Variants in NEBL observed in about 807,000 individuals in gnomAD.
The protein encoded by NEBL is LIM and SH3 protein 2.
In NEBL, 122 loss-of-function variants were observed where a neutral mutation model predicts 140.2. The ratio of observed to expected loss-of-function variants is 0.87; its 90% CI spans 0.75 to 1.01. NEBL has a LOEUF of 1.01. Among genes scored for constraint, NEBL ranks in the 50% least tolerant of loss-of-function variants. NEBL has a pLI of 0.00. For missense variants in NEBL, 1,365 were observed against 1,231.3 expected (o/e 1.11, Z -1.62); for synonymous variants, 436 against 398.9 (o/e 1.09, Z -1.11).
Position 20,819,494 on chromosome 10 carries a change from T to C in NEBL, c.1985A>G (p.Tyr662Cys), listed in dbSNP as rs1333705899. Residue 662 changes from tyrosine (Y) to cysteine (C), a missense_variant, in exon 20 of 28, where the codon TAC becomes TGC. Tyr to Cys is a radical substitution (Grantham distance 194, BLOSUM62 -2). Transcript: ENST00000377122. ...ISNLQYKEQN[Y>C]KATPVSMTPE... ...GGTCATGCTTACCGGAGTGGCCTTG[T>C]AGTTTTGCTCTTTATACTGGAGCTG... is the stretch of plus-strand genomic sequence containing the variant. 6.2e-7 allele frequency: 1 copy of C among 1,614,054 alleles called. No individual in the cohort carries two copies. Among genetic ancestry groups the C allele is most frequent in the Non-Finnish European group, 8.5e-7 (1 of 1,179,922 alleles).
chr10:21,063,081 G>A (rs1295300228), intron 2 of NEBL, among the ~76,000 whole-genome samples: 2 of 152,168 alleles, frequency 1.3e-5, no homozygotes, highest in Non-Finnish European at 2.9e-5. Context: ...AGGCCAAAGT[G>A]ATATCAGCAT....
At chr10:20,856,192 T>C (rs3791198) in intron 9 of NEBL, among the ~76,000 whole-genome samples, 55,061 of 152,076 alleles carry the variant, frequency 0.36, 11,522 homozygotes, top group Non-Finnish European at 0.46. Flanking sequence ...TAAATGAAGA[T>C]CTAAACTTTA....
At chr10:20,880,282 C>A (rs963056510) in intron 5 of NEBL, among the ~76,000 whole-genome samples, 3 of 152,166 alleles carry the variant, frequency 2.0e-5, no homozygotes, top group Non-Finnish European at 4.4e-5. Flanking sequence ...ACTACTTGAA[C>A]CCGGCAGGCA....
chr10:20,920,259 T>G (rs896370077), intron 4 of NEBL, among the ~76,000 whole-genome samples: 1 of 152,190 alleles, frequency 6.6e-6, no homozygotes, highest in Non-Finnish European at 1.5e-5. Flanking sequence ...AAATGACATA[T>G]GCATTCACTT....
In NEBL at chr10:21,173,924, GC is replaced by G; in HGVS notation, c.-92del. The G allele has an allele frequency of 6.7e-7, 1 of 1,500,012 alleles. No homozygotes were observed. The highest frequency in any genetic ancestry group is 8.8e-7 in the Non-Finnish European group (1 of 1,132,236). The allele number at this position is 1,500,012 out of a possible 1,614,324, so 92.9% of individuals were successfully genotyped here. ...CCGGCGAGCCCCGCACCGCCTCCTG[GC>G]AGGCGGGAGGGCTGCGGGCGGCGGG... On this transcript the variant is annotated 5_prime_UTR_variant, in exon 1 of 7. Coordinates refer to the NEBL transcript ENST00000417816. This position sits in a 1 kb window ranked among gnomAD's most constrained non-coding sequence, Gnocchi z 5.7.
At chr10:20,940,155 C>G (rs1322010904) in intron 4 of NEBL, among the ~76,000 whole-genome samples, 1 of 152,168 alleles carries the variant, frequency 6.6e-6, no homozygotes, top group African/African-American at 2.4e-5. Context: ...TCACACCACA[C>G]CTATTCCAAA....
At chr10:21,101,185 C>T (rs1308340933) in intron 2 of NEBL, among the ~76,000 whole-genome samples, 1 of 152,264 alleles carries the variant, frequency 6.6e-6, no homozygotes, top group East Asian at 1.9e-4. Context: ...AGTGAACAAT[C>T]GGGAGACATT....
intron 3 of NEBL, among the ~76,000 whole-genome samples, chr10:21,247,595 C>T (rs550522843): frequency 1.3e-5 from 2 of 152,298 alleles, no homozygotes; most frequent in East Asian, 3.9e-4. Flanking sequence ...TCATCCTCTA[C>T]TGAAAATCTG....
intron 5 of NEBL, among the ~76,000 whole-genome samples, chr10:20,874,713 T>C (rs537660529): frequency 1.3e-5 from 2 of 152,068 alleles, no homozygotes; most frequent in Non-Finnish European, 2.9e-5. Context: ...ATCTAGAGAG[T>C]TCTAACACAG....
intron 4 of NEBL, among the ~76,000 whole-genome samples, chr10:20,919,678 T>C (rs951364635): frequency 6.6e-6 from 1 of 152,072 alleles, no homozygotes; most frequent in Non-Finnish European, 1.5e-5. Context: ...CACACCAAGA[T>C]AAATTCCAAA....
intron 2 of NEBL, chr10:21,172,238 G>T (rs1019485274): frequency 2.9e-6 from 2 of 701,718 alleles, no homozygotes; most frequent in Non-Finnish European, 5.2e-6. Context: ...AAAGTACATG[G>T]CCCCAGAGTC....
chr10:20,889,619 CA>C (rs1407173942), intron 3 of NEBL, among the ~76,000 whole-genome samples: 16 of 152,064 alleles, frequency 1.1e-4, no homozygotes, highest in African/African-American at 3.4e-4. Flanking sequence ...GATTTAGAGT[CA>C]AAATATAGAC....
At chr10:21,207,520 C>A (rs888804270) in intron 3 of NEBL, among the ~76,000 whole-genome samples, 2 of 152,162 alleles carry the variant, frequency 1.3e-5, no homozygotes, top group Admixed American at 1.3e-4. Flanking sequence ...TGTGCACACA[C>A]ACACAGCCTG....
intron 5 of NEBL, among the ~76,000 whole-genome samples, chr10:20,871,373 G>A (rs1844915763): frequency 6.6e-6 from 1 of 152,004 alleles, no homozygotes; most frequent in Non-Finnish European, 1.5e-5. Context: ...CCAGTGTTCT[G>A]GGTAATATTC....
chr10:21,234,389 C>G (rs906385324), intron 3 of NEBL, among the ~76,000 whole-genome samples: 1 of 152,086 alleles, frequency 6.6e-6, no homozygotes, highest in Non-Finnish European at 1.5e-5. Context: ...CACCTTCTCT[C>G]TCATGCACCC....
chr10:20,890,826 A>C (rs1355728771), intron 2 of NEBL, among the ~76,000 whole-genome samples: 1 of 152,240 alleles, frequency 6.6e-6, no homozygotes, highest in African/African-American at 2.4e-5. Flanking sequence ...CTGTCACACT[A>C]ATTGCTGCAC....
At chr10:21,122,345 T>C (rs1226526715) in intron 2 of NEBL, among the ~76,000 whole-genome samples, 1 of 151,942 alleles carries the variant, frequency 6.6e-6, no homozygotes, top group Non-Finnish European at 1.5e-5. Context: ...CCCACTGTTC[T>C]ATCTTGCCCT....
intron 7 of NEBL, among the ~76,000 whole-genome samples, chr10:20,863,790 G>A (rs1176306470): frequency 2.6e-5 from 4 of 152,104 alleles, no homozygotes; most frequent in African/African-American, 4.8e-5. Context: ...ACACATACAC[G>A]TATATATTAT....
intron 2 of NEBL, among the ~76,000 whole-genome samples, chr10:21,136,850 T>C (rs1417972141): frequency 6.6e-6 from 1 of 152,222 alleles, no homozygotes; most frequent in East Asian, 1.9e-4. Context: ...ATGACTGACA[T>C]AACTTCTTAC....
Sources: allele counts gnomAD v4.1 joint callset (sites outside exome capture counted in the v4.1 genomes callset), GRCh38; gene constraint gnomAD v4.1.1; non-coding constraint Gnocchi (gnomAD v3.1); transcripts MANE v1.5; gene names NCBI Gene and HGNC (gene_info 2026-07-23, HGNC 2026-07-21).